The following DMRT1 variants were observed in gnomAD, a reference collection of about 807,000 sequenced individuals.
The protein encoded by DMRT1 is doublesex and mab-3 related transcription factor 1, also known as doublesex- and mab-3-related transcription factor 1.
DMRT1 carries 7 observed loss-of-function variants against 32.3 expected under a neutral mutation model. That is an observed-to-expected ratio of 0.22 (90% CI 0.12 to 0.41). DMRT1 has a LOEUF of 0.41. Among genes scored for constraint, DMRT1 ranks in the 10% least tolerant of loss-of-function variants. DMRT1 has a pLI of 1.00. For synonymous variants in DMRT1, 278 were observed against 206.1 expected, an observed-to-expected ratio of 1.35 and a Z score of -2.99; for missense variants, 625 against 500.5, an observed-to-expected ratio of 1.25 and a Z score of -2.37.
intron 2 of DMRT1, among the ~76,000 whole-genome samples, chr9:879,330 C>G (rs1031279775): frequency 5.9e-5 from 9 of 152,190 alleles, no homozygotes; most frequent in African/African-American, 1.7e-4. Flanking sequence ...ATAATAAACT[C>G]ATTACCTCTT....
intron 4 of DMRT1, among the ~76,000 whole-genome samples, chr9:945,954 A>G (rs1384249942): frequency 6.6e-6 from 1 of 152,048 alleles, no homozygotes. Context: ...TAGTCAATGT[A>G]TTGTTCCTCA....
intron 2 of DMRT1, among the ~76,000 whole-genome samples, chr9:852,214 G>A (rs1269024287): frequency 2.0e-5 from 3 of 151,900 alleles, no homozygotes; most frequent in Non-Finnish European, 4.4e-5. Flanking sequence ...TGGGATTACA[G>A]GTGTGAGCTA....
At position 957,531 on chromosome 9, in the gene DMRT1, C is replaced by G. The variant is rs144569102; in HGVS notation, c.968-10454C>G. 4.7e-3 allele frequency among the ~76,000 whole-genome samples: 720 copies of G among 152,322 alleles called. 6 individuals carry two copies. Among genetic ancestry groups the G allele is most frequent in the African/African-American group, 0.017 (686 of 41,550 alleles). Reference sequence around the variant, plus strand: ...AACAGTGTGCACTTGGTTCTGTAATCTGAACTTACCTTATCATCCATGATG... The same window carrying G: ...AACAGTGTGCACTTGGTTCTGTAATGTGAACTTACCTTATCATCCATGATG... On this transcript the variant is annotated intron_variant, in intron 4 of 4. Coordinates refer to ENST00000382276, the MANE Select transcript of DMRT1 (RefSeq NM_021951.3).
At chr9:861,039 T>G (rs1337973392) in intron 2 of DMRT1, among the ~76,000 whole-genome samples, 1 of 142,264 alleles carries the variant, frequency 7.0e-6, no homozygotes, top group Non-Finnish European at 1.5e-5. Flanking sequence ...TGGTGTGATC[T>G]AATTTACTTT....
intron 4 of DMRT1, among the ~76,000 whole-genome samples, chr9:951,210 A>T (rs973007452): frequency 6.6e-6 from 1 of 152,096 alleles, no homozygotes; most frequent in African/African-American, 2.4e-5. Flanking sequence ...TTTAATATAT[A>T]TTTTTCTTTA....
At position 916,921 on chromosome 9, in the gene DMRT1, C is replaced by G; in HGVS notation, c.967+14C>G. ...CCAGGGCGAGCGGTAGGTGTCTGGTCACACAGACTGGATTTGGGGTTGAGA... is the reference window on the plus strand; with the variant it reads ...CCAGGGCGAGCGGTAGGTGTCTGGTGACACAGACTGGATTTGGGGTTGAGA... On this transcript the variant is annotated intron_variant, in intron 4 of 4. Transcript: ENST00000382276. 6.2e-7 allele frequency: 1 copy of G among 1,614,042 alleles called. No individual in the cohort carries two copies. Among genetic ancestry groups the G allele is most frequent in the African/African-American group, 1.3e-5 (1 of 75,030 alleles).
At chr9:889,082 C>T (rs1484379295) in intron 2 of DMRT1, among the ~76,000 whole-genome samples, 3 of 152,140 alleles carry the variant, frequency 2.0e-5, no homozygotes, top group Non-Finnish European at 2.9e-5. Flanking sequence ...CATTTCTTTA[C>T]GTTCCCAGGT....
intron 3 of DMRT1, among the ~76,000 whole-genome samples, chr9:896,768 G>A (rs1402486341): frequency 6.6e-6 from 1 of 151,614 alleles, no homozygotes; most frequent in South Asian, 2.1e-4. Context: ...AGCAGAGATC[G>A]CGCCATTGTA....
At chr9:947,293 G>C (rs1349882021) in intron 4 of DMRT1, among the ~76,000 whole-genome samples, 1 of 152,200 alleles carries the variant, frequency 6.6e-6, no homozygotes, top group Non-Finnish European at 1.5e-5. Flanking sequence ...GTTGTCGTTA[G>C]TGTTAGTGCA....
intron 4 of DMRT1, among the ~76,000 whole-genome samples, chr9:962,356 G>A (rs1409339225): frequency 6.6e-6 from 1 of 152,150 alleles, no homozygotes; most frequent in Non-Finnish European, 1.5e-5. Flanking sequence ...GGGTTTTTTG[G>A]AAGGTGAGGA....
chr9:897,037 T>C (rs1440247233), intron 3 of DMRT1, among the ~76,000 whole-genome samples: 1 of 151,798 alleles, frequency 6.6e-6, no homozygotes, highest in Non-Finnish European at 1.5e-5. Context: ...TCAATTTTAA[T>C]CCCCTGAGCT....
chr9:899,811 C>T (rs1214438398), intron 3 of DMRT1, among the ~76,000 whole-genome samples: 1 of 152,250 alleles, frequency 6.6e-6, no homozygotes. Context: ...CTGAGCTATG[C>T]CTCGGATCTC....
chr9:914,468 G>T (rs1564247240), intron 3 of DMRT1, among the ~76,000 whole-genome samples: 2 of 150,736 alleles, frequency 1.3e-5, no homozygotes, highest in Non-Finnish European at 2.9e-5. Flanking sequence ...CAGCTACTCG[G>T]GAGGCTGAGG....
chr9:925,884 G>C (rs1349350080), intron 4 of DMRT1, among the ~76,000 whole-genome samples: 1 of 152,208 alleles, frequency 6.6e-6, no homozygotes, highest in African/African-American at 2.4e-5. Context: ...TGATGATGCT[G>C]TTTATCCAAG....
chr9:907,843 G>A (rs951927747), intron 3 of DMRT1, among the ~76,000 whole-genome samples: 8 of 151,712 alleles, frequency 5.3e-5, no homozygotes, highest in Non-Finnish European at 7.4e-5. Context: ...GTGTGTGTGT[G>A]TGTGTGTGTG....
At chr9:906,031 CCACA>C (rs3084882) in intron 3 of DMRT1, among the ~76,000 whole-genome samples, 8 of 19,332 alleles carry the variant, frequency 4.1e-4, no homozygotes, top group East Asian at 4.6e-3. Context: ...ACACACACAC[CCACA>C]CACACACACA....
chr9:872,512 T>C (rs900602172), intron 2 of DMRT1, among the ~76,000 whole-genome samples: 1 of 152,240 alleles, frequency 6.6e-6, no homozygotes, highest in Non-Finnish European at 1.5e-5. Context: ...TGGTAACCAC[T>C]AGCCTACTTT....
intron 4 of DMRT1, among the ~76,000 whole-genome samples, chr9:959,631 G>A (rs1008485408): frequency 2.6e-5 from 4 of 152,270 alleles, no homozygotes; most frequent in African/African-American, 9.6e-5. Context: ...GGGTTGAAGC[G>A]ATTCTCCTGC....
chr9:905,806 A>G (rs2129705250), intron 3 of DMRT1, among the ~76,000 whole-genome samples: 1 of 152,122 alleles, frequency 6.6e-6, no homozygotes, highest in South Asian at 2.1e-4. Flanking sequence ...GTGGATGAGG[A>G]AACTGGGGCT....
Sources: allele counts gnomAD v4.1 joint callset (sites outside exome capture counted in the v4.1 genomes callset), GRCh38; gene constraint gnomAD v4.1.1; transcripts MANE v1.5; gene names NCBI Gene and HGNC (gene_info 2026-07-23, HGNC 2026-07-21).